RAB2A: variants seen among roughly 807,000 people sequenced by gnomAD.
RAB2A encodes the protein ras-related protein Rab-2A.
RAB2A carries 7 observed loss-of-function variants against 32.5 expected under a neutral mutation model. The ratio of observed to expected loss-of-function variants is 0.22; its 90% CI spans 0.12 to 0.40. RAB2A has a LOEUF of 0.40. Ranked by LOEUF, RAB2A falls within the 10% of genes least tolerant of loss-of-function variation. RAB2A has a pLI of 1.00. For missense variants in RAB2A, 108 were observed against 260.7 expected (o/e 0.41, Z 4.03); for synonymous variants, 79 against 85.2 (o/e 0.93, Z 0.40).
chr8:60,591,493 A>G (rs928764131), intron 5 of RAB2A, among the ~76,000 whole-genome samples: 9 of 152,318 alleles, frequency 5.9e-5, no homozygotes, highest in African/African-American at 1.9e-4. Flanking sequence ...AGTCTGGCCA[A>G]TGGAGGAGAA....
chr8:60,526,036 TATATATATATATATA>T (rs1807379728), intron 1 of RAB2A, among the ~76,000 whole-genome samples: 2 of 122,188 alleles, frequency 1.6e-5, no homozygotes, highest in Admixed American at 1.7e-4. Context: ...TATATATATA[TATATATATATATATA>T]TATATAAGTT....
At chr8:60,548,910 C>T (rs1467474467) in intron 1 of RAB2A, among the ~76,000 whole-genome samples, 48 of 142,240 alleles carry the variant, frequency 3.4e-4, no homozygotes, top group Non-Finnish European at 5.0e-4. Flanking sequence ...AGAGGGGCTC[C>T]TCACTTCTCA....
chr8:60,578,330 A>G (rs1803676814), intron 3 of RAB2A, among the ~76,000 whole-genome samples: 1 of 152,252 alleles, frequency 6.6e-6, no homozygotes, highest in South Asian at 2.1e-4. Context: ...AAATGACCAC[A>G]TGAAAGTGCT....
intron 1 of RAB2A, among the ~76,000 whole-genome samples, chr8:60,518,105 C>G (rs1229373077): frequency 6.6e-6 from 1 of 152,136 alleles, no homozygotes; most frequent in Non-Finnish European, 1.5e-5. Flanking sequence ...TTCAGTTATT[C>G]TCACTTAAAA....
intron 3 of RAB2A, among the ~76,000 whole-genome samples, chr8:60,580,299 G>A (rs1803722627): frequency 6.6e-6 from 1 of 152,102 alleles, no homozygotes; most frequent in Non-Finnish European, 1.5e-5. Context: ...CCAGCCTAAA[G>A]TGCTTTTTAA....
At chr8:60,523,434 G>A (rs1177732553) in intron 1 of RAB2A, among the ~76,000 whole-genome samples, 2 of 151,466 alleles carry the variant, frequency 1.3e-5, no homozygotes, top group Admixed American at 6.6e-5. Flanking sequence ...TGGGATTACA[G>A]GCATGAGCCA....
At chr8:60,563,755 T>C (rs1176378181) in intron 2 of RAB2A, among the ~76,000 whole-genome samples, 6 of 152,180 alleles carry the variant, frequency 3.9e-5, no homozygotes, top group Admixed American at 3.9e-4. Flanking sequence ...TACTAACAAT[T>C]TTTTTACCTC....
intron 1 of RAB2A, among the ~76,000 whole-genome samples, chr8:60,534,237 T>G (rs1434892564): frequency 6.6e-6 from 1 of 152,242 alleles, no homozygotes; most frequent in Non-Finnish European, 1.5e-5. Context: ...AGTACTATGT[T>G]GTGACATTCA....
intron 6 of RAB2A, among the ~76,000 whole-genome samples, chr8:60,599,399 CT>C (rs1804091937): frequency 6.6e-6 from 1 of 152,128 alleles, no homozygotes; most frequent in Non-Finnish European, 1.5e-5. Flanking sequence ...TCATATCAAA[CT>C]TCCAGTACAA....
At chr8:60,541,525 C>G (rs1372760340) in intron 1 of RAB2A, among the ~76,000 whole-genome samples, 1 of 152,138 alleles carries the variant, frequency 6.6e-6, no homozygotes, top group African/African-American at 2.4e-5. Flanking sequence ...CCCATCTCTA[C>G]TAAAAATACA....
chr8:60,566,932 G>A (rs150702134), intron 2 of RAB2A, among the ~76,000 whole-genome samples: 7 of 152,146 alleles, frequency 4.6e-5, no homozygotes, highest in East Asian at 1.9e-4. Context: ...CAAAAGACAC[G>A]ATTTCATTCT....
At chr8:60,554,137 G>A (rs1807899255) in intron 1 of RAB2A, among the ~76,000 whole-genome samples, 1 of 152,214 alleles carries the variant, frequency 6.6e-6, no homozygotes, top group African/African-American at 2.4e-5. Flanking sequence ...TGACATGAGA[G>A]TGAGTTAATT....
At chr8:60,586,641 G>A (rs772207412) in intron 5 of RAB2A, among the ~76,000 whole-genome samples, 8 of 152,006 alleles carry the variant, frequency 5.3e-5, no homozygotes, top group Non-Finnish European at 1.0e-4. Flanking sequence ...TGAAGGCCAG[G>A]TACAATGGCT....
intron 1 of RAB2A, among the ~76,000 whole-genome samples, chr8:60,529,311 T>C (rs1012663494): frequency 2.6e-5 from 4 of 152,222 alleles, no homozygotes; most frequent in Non-Finnish European, 5.9e-5. Flanking sequence ...GTCTGTTAGA[T>C]CAGACTTGAT....
intron 1 of RAB2A, among the ~76,000 whole-genome samples, chr8:60,541,022 C>G (rs1029528151): frequency 1.6e-4 from 24 of 152,256 alleles, no homozygotes; most frequent in Admixed American, 3.3e-4. Flanking sequence ...ATTGGAGAAG[C>G]CTGACAGACT....
intron 6 of RAB2A, among the ~76,000 whole-genome samples, chr8:60,607,365 C>T (rs1804250783): frequency 7.2e-6 from 1 of 138,002 alleles, no homozygotes; most frequent in Non-Finnish European, 1.5e-5. Flanking sequence ...GGAGGTGGAG[C>T]TTGCAGTGAG....
rs572648400 is a variant in RAB2A, at chr8:60,530,271, A to C, written c.46+13018A>C. Among the ~76,000 whole-genome samples the C allele has an allele frequency of 3.3e-5, 5 of 150,918 alleles. No individual in the cohort carries two copies. In the South Asian group the frequency reaches 1.0e-3, roughly 32 times the overall value. On this transcript the variant is annotated intron_variant, in intron 1 of 7. Coordinates refer to ENST00000262646, the MANE Select transcript of RAB2A (RefSeq NM_002865.3). Reference sequence around the variant, plus strand: ...TCAAGCCGTTCTGCCTCAGCCTCTCAAGTAGCTGGGATTACAGGCACACAC... The same window carrying C: ...TCAAGCCGTTCTGCCTCAGCCTCTCCAGTAGCTGGGATTACAGGCACACAC...
chr8:60,576,152 C>T, intron 3 of RAB2A: 1 of 451,904 alleles, frequency 2.2e-6, no homozygotes, highest in Non-Finnish European at 4.4e-6. Context: ...CCTTTAAGCA[C>T]TGACACTTGG....
intron 1 of RAB2A, among the ~76,000 whole-genome samples, chr8:60,518,433 A>T (rs1807245846): frequency 1.3e-5 from 2 of 151,680 alleles, no homozygotes; most frequent in African/African-American, 4.8e-5. Context: ...GAGGTGGGGG[A>T]TCACCTGAGA....
Sources: allele counts gnomAD v4.1 joint callset (sites outside exome capture counted in the v4.1 genomes callset), GRCh38; gene constraint gnomAD v4.1.1; transcripts MANE v1.5; gene names NCBI Gene and HGNC (gene_info 2026-07-23, HGNC 2026-07-21).